Variants in PLXNC1 observed in about 807,000 individuals in gnomAD.
PLXNC1 encodes the protein plexin-C1.
In PLXNC1, 75 loss-of-function variants were observed where a neutral mutation model predicts 178.2. That is an observed-to-expected ratio of 0.42 (90% confidence interval 0.35 to 0.51). PLXNC1 has a LOEUF of 0.51. Among genes scored for constraint, PLXNC1 ranks in the 20% least tolerant of loss-of-function variants. The probability of loss-of-function intolerance (pLI) is 0.02; values close to 1 mark genes in which losing one functional copy is unlikely to be tolerated. For missense variants in PLXNC1, 1,503 were observed against 1,984.4 expected (o/e 0.76, Z 4.61); for synonymous variants, 790 against 779.9 (o/e 1.01, Z -0.22).
intron 30 of PLXNC1, 76 bp from the exon 31 acceptor site, chr12:94,305,105 A>C (rs1241118490): frequency 1.2e-6 from 1 of 822,016 alleles, no homozygotes; most frequent in Non-Finnish European, 2.0e-6. Context: ...TACCACTCAC[A>C]GCATCAGGTA....
At chr12:94,283,330 C>G (rs575853108) in intron 23 of PLXNC1, among the ~76,000 whole-genome samples, 1 of 152,050 alleles carries the variant, frequency 6.6e-6, no homozygotes, top group East Asian at 1.9e-4. Flanking sequence ...GGAGAGCATG[C>G]GTGTTAGACT....
chr12:94,257,056 G>T (rs1200705496), intron 17 of PLXNC1, among the ~76,000 whole-genome samples: 1 of 152,174 alleles, frequency 6.6e-6, no homozygotes, highest in Non-Finnish European at 1.5e-5. Flanking sequence ...CTTTCAAGAA[G>T]ACCTAAGTCA....
At chr12:94,287,210 G>A (rs1224817884) in intron 23 of PLXNC1, among the ~76,000 whole-genome samples, 1 of 152,200 alleles carries the variant, frequency 6.6e-6, no homozygotes, top group African/African-American at 2.4e-5. Context: ...AGGGTTAAGC[G>A]TGTCTTTACA....
intron 4 of PLXNC1, among the ~76,000 whole-genome samples, chr12:94,204,227 T>C (rs916700156): frequency 6.6e-6 from 1 of 152,214 alleles, no homozygotes; most frequent in African/African-American, 2.4e-5. Flanking sequence ...GACCACAGGC[T>C]TTGAGGCTAC....
intron 4 of PLXNC1, among the ~76,000 whole-genome samples, chr12:94,208,108 G>A (rs888957524): frequency 6.6e-6 from 1 of 152,190 alleles, no homozygotes; most frequent in Non-Finnish European, 1.5e-5. Flanking sequence ...TTGACAGGCG[G>A]TTTAATTTGA....
At chr12:94,249,542 G>A (rs1238733533) in intron 14 of PLXNC1, among the ~76,000 whole-genome samples, 1 of 152,012 alleles carries the variant, frequency 6.6e-6, no homozygotes, top group Non-Finnish European at 1.5e-5. Context: ...CCAATAGTAA[G>A]TTTTAAGTCA....
chr12:94,161,896 A>G (rs1213859324), intron 1 of PLXNC1, among the ~76,000 whole-genome samples: 1 of 152,198 alleles, frequency 6.6e-6, no homozygotes, highest in Non-Finnish European at 1.5e-5. Flanking sequence ...ATGTATCATA[A>G]TTGCCTGATG....
rs1262574578 is a variant in PLXNC1 at position 94,279,643 on chromosome 12, G to T, written c.3769G>T (p.Gly1257Cys). 1 of 1,614,106 alleles carries T rather than the reference G, an allele frequency of 6.2e-7. No homozygotes were observed. Among genetic ancestry groups the T allele is most frequent in the Admixed American group, 1.7e-5 (1 of 60,014 alleles). Residue 1257 changes from glycine to cysteine, a missense_variant, in exon 22 of 31, where the codon GGT becomes TGT. Physicochemically the swap from Gly to Cys is radical, Grantham distance 159. Transcript: ENST00000258526. ...TTATGGACTTCAGCTTAATGAAATT[G>T]GTCTTGGTAAGGCGGTGCGGGAGCT... ...SPYGLQLNEI[G>C]LELQMGTRQK...
intron 6 of PLXNC1, among the ~76,000 whole-genome samples, chr12:94,223,384 T>C (rs1380973816): frequency 6.6e-6 from 1 of 152,238 alleles, no homozygotes; most frequent in Non-Finnish European, 1.5e-5. Flanking sequence ...GGTGCTATTC[T>C]GTGTTGTGGC....
At chr12:94,198,721 G>A (rs1341445312) in intron 4 of PLXNC1, among the ~76,000 whole-genome samples, 4 of 152,134 alleles carry the variant, frequency 2.6e-5, no homozygotes, top group Admixed American at 1.3e-4. Context: ...GGTGACTCCT[G>A]GTGTTTCTTG....
At chr12:94,214,042 A>C (rs540233825) in intron 5 of PLXNC1, among the ~76,000 whole-genome samples, 1 of 151,988 alleles carries the variant, frequency 6.6e-6, no homozygotes, top group South Asian at 2.1e-4. Context: ...AATTGGAATA[A>C]AAGTATTCCT....
intron 21 of PLXNC1, among the ~76,000 whole-genome samples, chr12:94,279,122 T>A (rs184854473): frequency 1.3e-5 from 2 of 152,334 alleles, no homozygotes; most frequent in East Asian, 3.9e-4. Context: ...GTCTGCCTCA[T>A]CTACTGTGGA....
At chr12:94,213,912 G>T (rs1444365908) in intron 5 of PLXNC1, among the ~76,000 whole-genome samples, 2 of 150,490 alleles carry the variant, frequency 1.3e-5, no homozygotes, top group East Asian at 1.9e-4. Flanking sequence ...TGTCACCCAG[G>T]CTGGAGTGCA....
rs1315755876 is a variant in PLXNC1 at position 94,181,514 on chromosome 12, T to G, written c.1272T>G (p.Pro424=). The change falls in exon 3 of 31, where the codon CCT becomes CCG. Residue 424 remains proline, a synonymous_variant. Coordinates refer to ENST00000258526, the MANE Select transcript of PLXNC1 (RefSeq NM_005761.3). ...EVIYEIKEET[P]VFYKLVPDPV... Reference sequence around the variant, plus strand: ...TCTATGAAATTAAAGAAGAGACACCTGTTTTCTACAAACTCGTTCCTGATC... The same window carrying G: ...TCTATGAAATTAAAGAAGAGACACCGGTTTTCTACAAACTCGTTCCTGATC... 2 of 1,600,444 alleles carry G rather than the reference T, an allele frequency of 1.2e-6. No homozygotes were observed. Among genetic ancestry groups the G allele is most frequent in the South Asian group, 2.2e-5 (2 of 90,770 alleles).
Position 94,204,958 on chromosome 12 carries a change from T to C in PLXNC1, c.1440-4632T>C, listed in dbSNP as rs138111246. On this transcript the variant is annotated intron_variant, in intron 4 of 30. Transcript: ENST00000258526. ...AAGCCACTTACCTGATATGTAGTTATCAGATTCCTTCAGGGACTGTCTGCT... is the reference window on the plus strand; with the variant it reads ...AAGCCACTTACCTGATATGTAGTTACCAGATTCCTTCAGGGACTGTCTGCT... 2.6e-5 allele frequency among the ~76,000 whole-genome samples: 4 copies of C among 152,312 alleles called. No homozygotes were observed. The East Asian group carries it at 7.7e-4, about 29-fold the overall frequency.
At chr12:94,158,751 C>T (rs759396822) in intron 1 of PLXNC1, among the ~76,000 whole-genome samples, 2 of 152,164 alleles carry the variant, frequency 1.3e-5, no homozygotes, top group Non-Finnish European at 2.9e-5. Flanking sequence ...GCCTGAACAA[C>T]GTAACACGAC....
chr12:94,200,855 T>C (rs1317703791), intron 4 of PLXNC1, among the ~76,000 whole-genome samples: 1 of 152,200 alleles, frequency 6.6e-6, no homozygotes, highest in Non-Finnish European at 1.5e-5. Flanking sequence ...TGCAAATGTG[T>C]TTTTTATGTG....
chr12:94,153,805 T>G (rs535687780), intron 1 of PLXNC1, among the ~76,000 whole-genome samples: 7 of 152,344 alleles, frequency 4.6e-5, no homozygotes, highest in East Asian at 1.9e-4. Context: ...ATAATTTAAC[T>G]GTCATGCAGA....
intron 30 of PLXNC1, among the ~76,000 whole-genome samples, chr12:94,304,779 C>T (rs1968831323): frequency 6.6e-6 from 1 of 152,176 alleles, no homozygotes; most frequent in African/African-American, 2.4e-5. Flanking sequence ...AGGGACTACA[C>T]TGCCCAGATG....
Sources: allele counts gnomAD v4.1 joint callset (sites outside exome capture counted in the v4.1 genomes callset), GRCh38; gene constraint gnomAD v4.1.1; transcripts MANE v1.5; gene names NCBI Gene and HGNC (gene_info 2026-07-23, HGNC 2026-07-21).